The following ITCH variants were observed in gnomAD, a reference collection of about 807,000 sequenced individuals.
The protein encoded by ITCH is E3 ubiquitin-protein ligase Itchy homolog.
ITCH carries 28 observed loss-of-function variants against 126.8 expected under a neutral mutation model. That is an observed-to-expected ratio of 0.22 (90% confidence interval 0.16 to 0.30). The LOEUF (loss-of-function observed/expected upper bound fraction) is 0.30. Ranked by LOEUF, ITCH falls within the 10% of genes least tolerant of loss-of-function variation. ITCH has a pLI of 1.00. For missense variants in ITCH, 631 were observed against 1,032.4 expected (o/e 0.61, Z 5.33); for synonymous variants, 342 against 340.0 (o/e 1.01, Z -0.06).
At chr20:34,381,715 C>T (rs908739020) in intron 2 of ITCH, among the ~76,000 whole-genome samples, 5 of 151,668 alleles carry the variant, frequency 3.3e-5, no homozygotes, top group Non-Finnish European at 7.4e-5. Flanking sequence ...CGTGAGCGAC[C>T]GCGCCTGGCG....
intron 3 of ITCH, among the ~76,000 whole-genome samples, chr20:34,395,174 AG>A (rs1319637549): frequency 1.3e-5 from 2 of 151,316 alleles, no homozygotes; most frequent in Non-Finnish European, 2.9e-5. Flanking sequence ...CGGAGGTTGC[AG>A]TGAGCCGAGA....
intron 21 of ITCH, 95 bp downstream of exon 21, chr20:34,489,481 T>C: frequency 8.2e-7 from 1 of 1,219,254 alleles, no homozygotes; most frequent in Non-Finnish European, 1.2e-6. Flanking sequence ...CCTGTTACTG[T>C]AATATTTTTA....
rs116453968 is a variant in ITCH at position 34,478,299 on chromosome 20, A to T, written c.1658+439A>T. On this transcript the variant is annotated intron_variant, in intron 17 of 24. Transcript: ENST00000374864. ...TTTCCCCACCACAGATTACTGATAC[A>T]GGTAATAGTTACTCAGTTTCCAACT... Among the ~76,000 whole-genome samples, 1,179 of 152,336 alleles carry T rather than the reference A, an allele frequency of 7.7e-3. 17 individuals are homozygous for T. Among genetic ancestry groups the T allele is most frequent in the African/African-American group, 0.027 (1,114 of 41,562 alleles).
chr20:34,385,711 C>T (rs2038257897), intron 2 of ITCH, among the ~76,000 whole-genome samples: 2 of 152,176 alleles, frequency 1.3e-5, no homozygotes, highest in South Asian at 4.1e-4. Flanking sequence ...AAAGTTGTAG[C>T]TTCCTCTTTT....
intron 7 of ITCH, among the ~76,000 whole-genome samples, chr20:34,435,780 G>C (rs1029544958): frequency 8.5e-5 from 13 of 152,180 alleles, no homozygotes; most frequent in Non-Finnish European, 1.9e-4. Context: ...TGAAGGAATT[G>C]AAACTACTAG....
intron 6 of ITCH, among the ~76,000 whole-genome samples, chr20:34,423,198 T>C (rs1483789460): frequency 1.3e-5 from 2 of 152,200 alleles, no homozygotes; most frequent in African/African-American, 4.8e-5. Flanking sequence ...TAGCATAATG[T>C]TTTTGAGGTT....
At chr20:34,443,614 TATACCCTGAA>T (rs535471331) in intron 10 of ITCH, among the ~76,000 whole-genome samples, 1 of 152,218 alleles carries the variant, frequency 6.6e-6, no homozygotes, top group Non-Finnish European at 1.5e-5. Flanking sequence ...CTGAAGGAAA[TATACCCTGAA>T]AAGGTACTGT....
At chr20:34,474,982 C>T (rs1378671402) in intron 16 of ITCH, among the ~76,000 whole-genome samples, 8 of 138,328 alleles carry the variant, frequency 5.8e-5, no homozygotes, top group East Asian at 2.2e-4. Context: ...CAGACGGGGT[C>T]GCGGCTGGGC....
Position 34,509,602 on chromosome 20 carries a change from G to A in ITCH, c.*1808G>A, listed in dbSNP as rs2146590636. The stretch of plus-strand genomic sequence containing the variant: ...AAATGGGGAGGCTAGGCTCTCCCCA[G>A]CCCTATGGTTTTTTTATTTCATGTA... On this transcript the variant is annotated 3_prime_UTR_variant, in exon 25 of 25. Transcript: ENST00000374864. The A allele has an allele frequency of 6.5e-6, 1 of 152,678 alleles. No homozygotes were observed. Among genetic ancestry groups the A allele is most frequent in the Non-Finnish European group, 1.5e-5 (1 of 68,008 alleles). 9.5% of individuals were successfully genotyped at this position (152,678 alleles called of 1,614,324 possible).
In ITCH at chr20:34,504,407, A is replaced by G; in HGVS notation, c.2489+4A>G. 6.3e-7 allele frequency: 1 copy of G among 1,589,428 alleles called. No individual in the cohort carries two copies. Among genetic ancestry groups the G allele is most frequent in the Non-Finnish European group, 8.6e-7 (1 of 1,157,578 alleles). On this transcript the variant is annotated splice_donor_region_variant and intron_variant, in intron 24 of 24. Coordinates refer to ENST00000374864, the MANE Select transcript of ITCH (RefSeq NM_031483.7). The stretch of plus-strand genomic sequence containing the variant: ...GGCTACCCAGAAGTCATACCTGGTA[A>G]GTACAATCAGAATGGATAGAGAAAA...
rs537325409 is a variant in ITCH, at chr20:34,501,910, A to G, written c.2417-2421A>G. Among the ~76,000 whole-genome samples, 190 of 152,336 alleles carry G rather than the reference A, an allele frequency of 1.2e-3. 1 individual carries two copies. The highest frequency in any genetic ancestry group is 4.5e-3 in the African/African-American group (186 of 41,576). ...AATAAAGTATGAATAATACACCTGCAAAAATAAATTATAGATGGTCAAGGT... is the reference window on the plus strand; with the variant it reads ...AATAAAGTATGAATAATACACCTGCGAAAATAAATTATAGATGGTCAAGGT... On this transcript the variant is annotated intron_variant, in intron 23 of 24. Transcript: ENST00000374864.
intron 3 of ITCH, among the ~76,000 whole-genome samples, chr20:34,399,352 A>G (rs575322788): frequency 2.0e-5 from 3 of 151,754 alleles, no homozygotes; most frequent in South Asian, 2.1e-4. Context: ...AGATCGTGCC[A>G]TTACACTCCA....
Position 34,507,934 on chromosome 20 carries a change from G to A in ITCH, c.*140G>A. The A allele has an allele frequency of 1.5e-6, 1 of 681,810 alleles. No homozygotes were observed. Among genetic ancestry groups the A allele is most frequent in the East Asian group, 2.8e-5 (1 of 35,342 alleles). 42.2% of individuals were successfully genotyped at this position (681,810 alleles called of 1,614,324 possible). The stretch of plus-strand genomic sequence containing the variant: ...GTAAGTAAATTAATGTTCTCATTTA[G>A]ATTTATCTCCCAGTGATTTCTACTC... On this transcript the variant is annotated 3_prime_UTR_variant, in exon 25 of 25. Coordinates refer to ENST00000374864, the MANE Select transcript of ITCH (RefSeq NM_031483.7).
At chr20:34,499,569 T>C (rs1464235416) in intron 23 of ITCH, among the ~76,000 whole-genome samples, 2 of 151,820 alleles carry the variant, frequency 1.3e-5, no homozygotes, top group African/African-American at 2.4e-5. Context: ...TTTCATTTAT[T>C]TGGGTCTTTT....
At position 34,504,420 on chromosome 20, in the gene ITCH, T is replaced by C; in HGVS notation, c.2489+17T>C. On this transcript the variant is annotated intron_variant, in intron 24 of 24. Coordinates refer to ENST00000374864, the MANE Select transcript of ITCH (RefSeq NM_031483.7). ...TCATACCTGGTAAGTACAATCAGAA[T>C]GGATAGAGAAAACAGCTTTTGTCCA... 6.5e-7 allele frequency: 1 copy of C among 1,545,638 alleles called. No individual in the cohort carries two copies. The highest frequency in any genetic ancestry group is 1.1e-5 in the South Asian group (1 of 89,632).
At chr20:34,443,736 G>T (rs1392729892) in intron 10 of ITCH, among the ~76,000 whole-genome samples, 1 of 152,130 alleles carries the variant, frequency 6.6e-6, no homozygotes, top group East Asian at 1.9e-4. Context: ...TGAAATCCTA[G>T]CACTTTGGGG....
intron 20 of ITCH, among the ~76,000 whole-genome samples, chr20:34,483,922 G>GCCT (rs2146484888): frequency 6.6e-6 from 1 of 152,306 alleles, no homozygotes; most frequent in South Asian, 2.1e-4. Flanking sequence ...AGGCAAGGAG[G>GCCT]AGCAAGGCAT....
intron 9 of ITCH, among the ~76,000 whole-genome samples, chr20:34,440,551 G>A (rs567570857): frequency 7.9e-5 from 12 of 152,044 alleles, no homozygotes; most frequent in African/African-American, 2.7e-4. Context: ...CCGCCCCCTG[G>A]GTTCAAGTAA....
At chr20:34,445,839 CTGA>C (rs971307201) in intron 11 of ITCH, among the ~76,000 whole-genome samples, 12 of 152,294 alleles carry the variant, frequency 7.9e-5, no homozygotes, top group African/African-American at 1.9e-4. Context: ...TTGTGCAAAA[CTGA>C]TGATAAGAGT....
Sources: gnomAD v4.1 joint callset for allele counts (sites outside exome capture counted in the v4.1 genomes callset) on GRCh38, gnomAD v4.1.1 for gene constraint, MANE v1.5 for transcripts, NCBI Gene and HGNC (gene_info 2026-07-23, HGNC 2026-07-21) for gene names.